The following KLRD1 variants were observed in gnomAD, a reference collection of about 807,000 sequenced individuals.
KLRD1 encodes natural killer cells antigen CD94.
In KLRD1, 21 loss-of-function variants were observed where a neutral mutation model predicts 22.6. That is an observed-to-expected ratio of 0.93 (90% CI 0.66 to 1.34). The LOEUF (loss-of-function observed/expected upper bound fraction) is 1.34, where lower values mean the gene tolerates loss of function less well. Ranked by LOEUF, KLRD1 falls within the 40% of genes most tolerant of loss-of-function variation. The pLI is 0.00. For synonymous variants in KLRD1, 59 were observed against 71.1 expected, an observed-to-expected ratio of 0.83 and a Z score of 0.85; for missense variants, 183 against 208.6, an observed-to-expected ratio of 0.88 and a Z score of 0.76.
At chr12:10,295,221 G>C (rs1407615425) in intron 1 of KLRD1, among the ~76,000 whole-genome samples, 1 of 151,706 alleles carries the variant, frequency 6.6e-6, no homozygotes, top group Non-Finnish European at 1.5e-5. Flanking sequence ...TCATTTTATT[G>C]TAACCACGTA....
chr12:10,327,510 T>C lies in KLRD1; in HGVS notation c.*12717T>C, dbSNP rs1209820998. On this transcript the variant is annotated 3_prime_UTR_variant, in exon 6 of 6. Transcript: ENST00000336164. Reference sequence around the variant, plus strand: ...ACAAATATTTTAACTATATGAAGTCTTTTAATAAATGAATATAGGAGGATT... The same window carrying C: ...ACAAATATTTTAACTATATGAAGTCCTTTAATAAATGAATATAGGAGGATT... 1 of 152,220 alleles carries C rather than the reference T, an allele frequency of 6.6e-6. No homozygotes were observed. The highest frequency in any genetic ancestry group is 1.5e-5 in the Non-Finnish European group (1 of 68,040). 9.4% of individuals were successfully genotyped at this position (152,220 alleles called of 1,614,324 possible). A position where few individuals can be genotyped will look rare whatever the true frequency, so the allele number is the denominator to read the frequency against.
At chr12:10,260,020 A>G (rs1044951870) in intron 1 of KLRD1, among the ~76,000 whole-genome samples, 4 of 152,204 alleles carry the variant, frequency 2.6e-5, no homozygotes, top group African/African-American at 9.7e-5. Flanking sequence ...TTCTTAATAC[A>G]GATATAAAGA....
intron 1 of KLRD1, among the ~76,000 whole-genome samples, chr12:10,239,833 G>C (rs1424970282): frequency 2.0e-5 from 3 of 151,644 alleles, no homozygotes; most frequent in Non-Finnish European, 2.9e-5. Context: ...CTAGAGATGG[G>C]GTTTCACCAT....
intron 1 of KLRD1, among the ~76,000 whole-genome samples, chr12:10,255,829 T>C (rs1315081603): frequency 3.3e-5 from 5 of 152,142 alleles, no homozygotes; most frequent in Non-Finnish European, 7.4e-5. Context: ...GAATATTCCA[T>C]ATGTCTTTTA....
chr12:10,303,919 T>C (rs1363990405), upstream of KLRD1, among the ~76,000 whole-genome samples: 1 of 152,168 alleles, frequency 6.6e-6, no homozygotes, highest in African/African-American at 2.4e-5. Flanking sequence ...CAAAGGTTCC[T>C]AGATATAAGA....
At chr12:10,310,364 C>A (rs1950032601) in intron 3 of KLRD1, among the ~76,000 whole-genome samples, 1 of 152,220 alleles carries the variant, frequency 6.6e-6, no homozygotes, top group Admixed American at 6.5e-5. Context: ...AGGTCATCCA[C>A]CTGCCTCGGC....
Position 10,329,502 on chromosome 12 carries a change from A to G in KLRD1, c.*14709A>G, listed in dbSNP as rs909982840. On this transcript the variant is annotated 3_prime_UTR_variant, in exon 6 of 6. Coordinates refer to ENST00000336164, the MANE Select transcript of KLRD1 (RefSeq NM_002262.5). ...TGCTGTTGGATGGAATGTTCTGCAC[A>G]TGTCTGTAGGTGACTTGACTTGCAG... is the stretch of plus-strand genomic sequence containing the variant. 6.6e-6 allele frequency: 1 copy of G among 152,222 alleles called. No individual in the cohort carries two copies. The highest frequency in any genetic ancestry group is 2.4e-5 in the African/African-American group (1 of 41,444). 9.4% of individuals were successfully genotyped at this position (152,222 alleles called of 1,614,324 possible). A position where few individuals can be genotyped will look rare whatever the true frequency, so the allele number is the denominator to read the frequency against.
At chr12:10,248,223 T>C (rs1193745751) in intron 1 of KLRD1, among the ~76,000 whole-genome samples, 1 of 152,106 alleles carries the variant, frequency 6.6e-6, no homozygotes, top group Non-Finnish European at 1.5e-5. Context: ...CCCACAATTT[T>C]TCTAATCCTG....
rs181101703 is a variant in KLRD1 at position 10,314,970 on chromosome 12, G to A, written c.*177G>A. 9 of 482,372 alleles carry A rather than the reference G, an allele frequency of 1.9e-5. No homozygotes were observed. Among genetic ancestry groups the A allele is most frequent in the South Asian group, 1.3e-4 (4 of 30,290 alleles). The allele number at this position is 482,372 out of a possible 1,614,324, so 29.9% of individuals were successfully genotyped here. A position where few individuals can be genotyped will look rare whatever the true frequency, so the allele number is the denominator to read the frequency against. Reference sequence around the variant, plus strand: ...ATGTGTTTTAAAATTGATGAAATTCGTTCACCTACATTTGAGAATTATAAA... The same window carrying A: ...ATGTGTTTTAAAATTGATGAAATTCATTCACCTACATTTGAGAATTATAAA... On this transcript the variant is annotated 3_prime_UTR_variant, in exon 6 of 6. Transcript: ENST00000336164.
At chr12:10,275,985 T>C (rs938071218) in intron 1 of KLRD1, among the ~76,000 whole-genome samples, 3 of 152,214 alleles carry the variant, frequency 2.0e-5, no homozygotes, top group African/African-American at 7.2e-5. Flanking sequence ...CTTATGCACA[T>C]ATTCTTAGTA....
At chr12:10,243,631 A>AAAAAAAAAAAAAAAAAAACAAAAAAAG (rs771543645) in intron 1 of KLRD1, among the ~76,000 whole-genome samples, 1 of 118,720 alleles carries the variant, frequency 8.4e-6, no homozygotes, top group African/African-American at 4.2e-5. Context: ...AAAAAAAAAA[A>AAAAAAAAAAAAAAAAAAACAAAAAAAG]AACCGAAATG....
At chr12:10,248,369 A>G (rs1479241129) in intron 1 of KLRD1, among the ~76,000 whole-genome samples, 4 of 152,206 alleles carry the variant, frequency 2.6e-5, no homozygotes, top group Non-Finnish European at 5.9e-5. Flanking sequence ...ATGGTACATG[A>G]CTATTGTTCT....
At chr12:10,261,249 A>G (rs953615494) in intron 1 of KLRD1, among the ~76,000 whole-genome samples, 2 of 152,188 alleles carry the variant, frequency 1.3e-5, no homozygotes, top group Non-Finnish European at 2.9e-5. Flanking sequence ...CTGTATGGAA[A>G]TTTTCAGCAT....
chr12:10,286,237 A>G (rs1368065938), intron 1 of KLRD1, among the ~76,000 whole-genome samples: 1 of 152,214 alleles, frequency 6.6e-6, no homozygotes, highest in Non-Finnish European at 1.5e-5. Context: ...GTCCAGGGTC[A>G]TATCAGAGTC....
Position 10,266,865 on chromosome 12 carries a change from C to CTTTTTT in KLRD1, c.-101+40635_-101+40640dup, listed in dbSNP as rs148285255. On this transcript the variant is annotated intron_variant, in intron 1 of 5. Coordinates refer to the KLRD1 transcript ENST00000544747. Reference sequence around the variant, plus strand: ...TGTGAAATCACTTACAGCCTTATTTCTTTTTTTTGTTTTTGAGTTACATAA... The same window carrying CTTTTTT: ...TGTGAAATCACTTACAGCCTTATTTCTTTTTTTTTTTTTTGTTTTTGAGTTACATAA... Among the ~76,000 whole-genome samples the CTTTTTT allele has an allele frequency of 4.2e-5, 6 of 142,530 alleles. 2 individuals carry two copies. The highest frequency in any genetic ancestry group is 6.1e-5 in the Non-Finnish European group (4 of 65,782). The allele number at this position is 142,530 out of a possible 152,430, so 93.5% of individuals were successfully genotyped here. A position where few individuals can be genotyped will look rare whatever the true frequency, so the allele number is the denominator to read the frequency against.
At chr12:10,293,215 T>A (rs1949793568) in intron 1 of KLRD1, among the ~76,000 whole-genome samples, 1 of 123,892 alleles carries the variant, frequency 8.1e-6, no homozygotes, top group Non-Finnish European at 1.7e-5. Flanking sequence ...CAATTTTGAT[T>A]TTCTTCAAGT....
intron 1 of KLRD1, among the ~76,000 whole-genome samples, chr12:10,256,369 CTT>C: frequency 6.9e-6 from 1 of 145,670 alleles, no homozygotes; most frequent in South Asian, 2.2e-4. Flanking sequence ...TTCAGGGTGT[CTT>C]ATAGTTATTT....
At chr12:10,249,171 G>C (rs144274457) in intron 1 of KLRD1, among the ~76,000 whole-genome samples, 36 of 152,248 alleles carry the variant, frequency 2.4e-4, no homozygotes, top group Admixed American at 1.5e-3. Context: ...GCCAACCGGT[G>C]GGGGAGATTC....
At chr12:10,263,354 T>A (rs1949471226) in intron 1 of KLRD1, among the ~76,000 whole-genome samples, 1 of 152,020 alleles carries the variant, frequency 6.6e-6, no homozygotes, top group Non-Finnish European at 1.5e-5. Context: ...GTACTTTTTC[T>A]AACCAGTTAT....
Sources: gnomAD v4.1 joint callset for allele counts (sites outside exome capture counted in the v4.1 genomes callset) on GRCh38, gnomAD v4.1.1 for gene constraint, MANE v1.5 for transcripts, NCBI Gene and HGNC (gene_info 2026-07-23, HGNC 2026-07-21) for gene names.